PIP4K2A: variants seen among roughly 807,000 people sequenced by gnomAD.
The protein encoded by PIP4K2A is phosphatidylinositol 5-phosphate 4-kinase type-2 alpha.
PIP4K2A carries 14 observed loss-of-function variants against 42.9 expected under a neutral mutation model. The ratio of observed to expected loss-of-function variants is 0.33; its 90% CI spans 0.22 to 0.51. PIP4K2A has a LOEUF of 0.51. Ranked by LOEUF, PIP4K2A falls within the 20% of genes least tolerant of loss-of-function variation. PIP4K2A has a pLI of 0.97. For missense variants in PIP4K2A, 434 were observed against 519.8 expected, an observed-to-expected ratio of 0.83 and a Z score of 1.61; for synonymous variants, 192 against 192.2, an observed-to-expected ratio of 1.00 and a Z score of 0.01.
Position 22,610,525 on chromosome 10 carries a change from TCA to T in PIP4K2A, c.145-810_145-809del, listed in dbSNP as rs542148440. ...AGAAGGCAGGTACGCTGAAGGATTCTCAGTTACAAAAACAAAACAAGCAAACA... is the reference window on the plus strand; with the variant it reads ...AGAAGGCAGGTACGCTGAAGGATTCTGTTACAAAAACAAAACAAGCAAACA... On this transcript the variant is annotated intron_variant, in intron 1 of 9. Coordinates refer to ENST00000376573, the MANE Select transcript of PIP4K2A (RefSeq NM_005028.5). Among the ~76,000 whole-genome samples the T allele has an allele frequency of 2.4e-3, 366 of 152,340 alleles. 3 individuals are homozygous for T. The highest frequency in any genetic ancestry group is 6.7e-3 in the African/African-American group (280 of 41,560).
intron 1 of PIP4K2A, among the ~76,000 whole-genome samples, chr10:22,677,923 A>G (rs1424846471): frequency 6.6e-6 from 1 of 152,180 alleles, no homozygotes; most frequent in African/African-American, 2.4e-5. Context: ...GGAAGAGTCG[A>G]TATAATAGGC....
At chr10:22,701,962 C>G (rs1019175589) in intron 1 of PIP4K2A, among the ~76,000 whole-genome samples, 1 of 152,164 alleles carries the variant, frequency 6.6e-6, no homozygotes, top group Non-Finnish European at 1.5e-5. Flanking sequence ...AATGGGTCTA[C>G]CAAAAATAAA....
chr10:22,648,267 T>C (rs141220636), intron 1 of PIP4K2A, among the ~76,000 whole-genome samples: 176 of 152,296 alleles, frequency 1.2e-3, no homozygotes, highest in African/African-American at 4.1e-3. Flanking sequence ...CAGAAAATAT[T>C]CAGACAACCA....
intron 1 of PIP4K2A, among the ~76,000 whole-genome samples, chr10:22,668,597 T>A (rs1389602040): frequency 3.3e-5 from 5 of 152,236 alleles, no homozygotes; most frequent in African/African-American, 1.2e-4. Flanking sequence ...GAACTCAGAA[T>A]GCATTTTCCT....
rs1404793259 is a variant in PIP4K2A, at chr10:22,624,235, A to T, written c.145-14518T>A. Among the ~76,000 whole-genome samples, 3 of 152,220 alleles carry T rather than the reference A, an allele frequency of 2.0e-5. No individual in the cohort carries two copies. In the South Asian group the frequency reaches 6.2e-4, roughly 32 times the overall value. ...TTCTTTCTGGGTTCCTCTGCTAGGA[A>T]AAGACTAAAAACCACATATTACTGG... On this transcript the variant is annotated intron_variant, in intron 1 of 9. Coordinates refer to ENST00000376573, the MANE Select transcript of PIP4K2A (RefSeq NM_005028.5).
chr10:22,553,758 A>AGACTT (rs1564417881), intron 6 of PIP4K2A, among the ~76,000 whole-genome samples: 1 of 151,408 alleles, frequency 6.6e-6, no homozygotes. Flanking sequence ...TAAAGCGCAC[A>AGACTT]GACTTGAAAT....
intron 6 of PIP4K2A, among the ~76,000 whole-genome samples, chr10:22,562,354 C>A (rs567017237): frequency 6.6e-6 from 1 of 152,286 alleles, no homozygotes; most frequent in African/African-American, 2.4e-5. Context: ...CGAGACCATC[C>A]TGGCTAACAC....
intron 1 of PIP4K2A, among the ~76,000 whole-genome samples, chr10:22,620,160 G>A (rs1838289390): frequency 6.6e-6 from 1 of 152,168 alleles, no homozygotes. Flanking sequence ...GTATCTGCAA[G>A]CTCAATCAGA....
intron 3 of PIP4K2A, among the ~76,000 whole-genome samples, chr10:22,600,128 AT>A (rs1465309427): frequency 6.6e-6 from 1 of 151,302 alleles, no homozygotes. Context: ...TTTTCCCTGC[AT>A]TTTTTAAACA....
intron 1 of PIP4K2A, among the ~76,000 whole-genome samples, chr10:22,610,985 T>C (rs776495570): frequency 6.6e-6 from 1 of 151,572 alleles, no homozygotes; most frequent in African/African-American, 2.4e-5. Flanking sequence ...TGATCAGATA[T>C]AGAATTTTTT....
rs115017556 is a variant in PIP4K2A at position 22,579,473 on chromosome 10, C to T, written c.493-6016G>A. On this transcript the variant is annotated intron_variant, in intron 4 of 9. Transcript: ENST00000376573. ...GGTGTTCTCCACAGAGTCACGTGCA[C>T]AACAATTAGAGGACGTCTGCCTCCT... Among the ~76,000 whole-genome samples, 1,245 of 152,316 alleles carry T rather than the reference C, an allele frequency of 8.2e-3. 13 individuals carry two copies. Among genetic ancestry groups the T allele is most frequent in the African/African-American group, 0.028 (1,172 of 41,566 alleles).
chr10:22,703,716 C>T (rs1009560806), intron 1 of PIP4K2A, among the ~76,000 whole-genome samples: 3 of 152,232 alleles, frequency 2.0e-5, no homozygotes, highest in Admixed American at 6.5e-5. Flanking sequence ...TCCTCTGCCA[C>T]TGCTGCAGAC....
intron 6 of PIP4K2A, among the ~76,000 whole-genome samples, chr10:22,560,278 G>A (rs1453557616): frequency 2.0e-5 from 3 of 152,138 alleles, no homozygotes; most frequent in East Asian, 1.9e-4. Flanking sequence ...TTAGCTGAGC[G>A]GCAAATAAAG....
At chr10:22,709,852 T>G (rs1833884537) in intron 1 of PIP4K2A, among the ~76,000 whole-genome samples, 1 of 152,072 alleles carries the variant, frequency 6.6e-6, no homozygotes, top group Non-Finnish European at 1.5e-5. Flanking sequence ...CTCTGAAGAT[T>G]AAAAAGAACA....
intron 1 of PIP4K2A, among the ~76,000 whole-genome samples, chr10:22,625,890 G>A (rs1838425901): frequency 6.6e-6 from 1 of 152,182 alleles, no homozygotes; most frequent in African/African-American, 2.4e-5. Flanking sequence ...AAATAACTCA[G>A]GAGGGAGGGG....
At chr10:22,653,672 G>C (rs549977755) in intron 1 of PIP4K2A, among the ~76,000 whole-genome samples, 2 of 152,134 alleles carry the variant, frequency 1.3e-5, no homozygotes, top group Non-Finnish European at 2.9e-5. Context: ...CCAGCACTTC[G>C]GGAGGCTGAG....
chr10:22,678,795 G>A (rs950738676), intron 1 of PIP4K2A, among the ~76,000 whole-genome samples: 1 of 152,094 alleles, frequency 6.6e-6, no homozygotes, highest in Non-Finnish European at 1.5e-5. Context: ...TCTTATTTGT[G>A]GCAAAACCCA....
chr10:22,540,767 CT>C (rs1217448884), intron 8 of PIP4K2A, among the ~76,000 whole-genome samples: 2 of 152,174 alleles, frequency 1.3e-5, no homozygotes, highest in Non-Finnish European at 2.9e-5. Flanking sequence ...GTAGGTCAGG[CT>C]GGTCTCAAAC....
intron 1 of PIP4K2A, among the ~76,000 whole-genome samples, chr10:22,657,032 G>A (rs1171496): frequency 0.44 from 67,129 of 152,008 alleles, 16,065 homozygotes; most frequent in African/African-American, 0.6. Context: ...AGTTCCCAAC[G>A]GGGCCAAGAG....
Sources: gnomAD v4.1 joint callset for allele counts (sites outside exome capture counted in the v4.1 genomes callset) on GRCh38, gnomAD v4.1.1 for gene constraint, MANE v1.5 for transcripts, NCBI Gene and HGNC (gene_info 2026-07-23, HGNC 2026-07-21) for gene names.